TJP2: variants seen among roughly 807,000 people sequenced by gnomAD.
TJP2 encodes the protein Friedreich ataxia region gene X104 (tight junction protein ZO-2).
Under a neutral mutation model 133.1 loss-of-function variants are expected in TJP2, and 91 were observed. The ratio of observed to expected loss-of-function variants is 0.68; its 90% CI spans 0.58 to 0.81. TJP2 has a LOEUF of 0.81. Among genes scored for constraint, TJP2 ranks in the 40% least tolerant of loss-of-function variants. The pLI, the probability that TJP2 is intolerant of heterozygous loss-of-function variation, is 0.00. For missense variants in TJP2, 1,541 were observed against 1,565.6 expected, an observed-to-expected ratio of 0.98 and a Z score of 0.26; for synonymous variants, 592 against 583.4, an observed-to-expected ratio of 1.01 and a Z score of -0.21.
chr9:69,127,553 CAA>C (rs113447829), intron 1 of TJP2, among the ~76,000 whole-genome samples: 13 of 59,840 alleles, frequency 2.2e-4, no homozygotes, highest in East Asian at 4.9e-4. Context: ...GATCTTGTCT[CAA>C]AAAAAAAAAA....
intron 13 of TJP2, among the ~76,000 whole-genome samples, chr9:69,236,610 G>A (rs1830210186): frequency 6.6e-6 from 1 of 152,144 alleles, no homozygotes; most frequent in African/African-American, 2.4e-5. Context: ...GCACCCCAGT[G>A]AACACTTGGT....
chr9:69,251,393 A>G (rs747772469), intron 21 of TJP2, 29 bp downstream of exon 21: 57 of 1,600,502 alleles, frequency 3.6e-5, no homozygotes, highest in African/African-American at 5.4e-5. Flanking sequence ...CACATCATCA[A>G]TAAGAGTTTT....
At chr9:69,253,692 G>A (rs557533435) in intron 22 of TJP2, 44 of 190,496 alleles carry the variant, frequency 2.3e-4, no homozygotes, top group Non-Finnish European at 4.1e-4. Flanking sequence ...ACCTCCGCCC[G>A]CCTCGGCCTC....
chr9:69,137,667 C>CT (rs1404732959), intron 1 of TJP2, among the ~76,000 whole-genome samples: 3 of 150,812 alleles, frequency 2.0e-5, no homozygotes, highest in Admixed American at 6.6e-5. Flanking sequence ...CTCAGCTGAG[C>CT]TTTTTTTTTC....
chr9:69,226,333 C>T (rs915735593), intron 7 of TJP2, among the ~76,000 whole-genome samples, 158 bp downstream of exon 7: 3 of 152,162 alleles, frequency 2.0e-5, no homozygotes, highest in Non-Finnish European at 4.4e-5. Context: ...TTGTTATTTG[C>T]TTATTAAAGT....
At chr9:69,147,896 T>G (rs2133321779) in intron 1 of TJP2, among the ~76,000 whole-genome samples, 1 of 150,380 alleles carries the variant, frequency 6.6e-6, no homozygotes, top group East Asian at 2.0e-4. Flanking sequence ...GTTCTGTGAA[T>G]ACACAGGGAT....
At chr9:69,246,829 C>G (rs1338162834) in intron 18 of TJP2, 39 bp downstream of exon 18, 1 of 1,573,432 alleles carries the variant, frequency 6.4e-7, no homozygotes, top group African/African-American at 1.3e-5. Flanking sequence ...GTGAGAGTCC[C>G]TGTTCTGAAA....
At chr9:69,197,872 C>T (rs923807610) in intron 1 of TJP2, among the ~76,000 whole-genome samples, 2 of 152,184 alleles carry the variant, frequency 1.3e-5, no homozygotes, top group South Asian at 4.1e-4. Flanking sequence ...ACACCATTGT[C>T]TACCTCCCAC....
At chr9:69,164,009 G>C (rs1824222821) in intron 2 of TJP2, among the ~76,000 whole-genome samples, 1 of 152,132 alleles carries the variant, frequency 6.6e-6, no homozygotes, top group Non-Finnish European at 1.5e-5. Context: ...GTTTTAACAA[G>C]TGCCTCTGGT....
intron 20 of TJP2, chr9:69,249,860 T>G (rs535272482): frequency 2.1e-5 from 11 of 513,248 alleles, no homozygotes; most frequent in Middle Eastern, 1.0e-3. Context: ...CCAGTCTGAT[T>G]TAGATGCACC....
rs546337652 is a variant in TJP2, at chr9:69,127,305, G to A, written c.-131+5580G>A. Among the ~76,000 whole-genome samples the A allele has an allele frequency of 5.3e-5, 4 of 75,334 alleles. 2 individuals are homozygous for A. Among genetic ancestry groups the A allele is most frequent in the South Asian group, 7.4e-4 (2 of 2,704 alleles). 49.4% of individuals were successfully genotyped at this position (75,334 alleles called of 152,430 possible). On this transcript the variant is annotated intron_variant, in intron 1 of 5. Coordinates refer to the TJP2 transcript ENST00000423935. ...AGGATGGTCTCGATCTCCTGACCTC[G>A]TGATCCGCCTGCCTCAGCCTCCCAA...
intron 1 of TJP2, among the ~76,000 whole-genome samples, chr9:69,212,297 T>C (rs1827979340): frequency 6.6e-6 from 1 of 152,256 alleles, no homozygotes; most frequent in Non-Finnish European, 1.5e-5. Flanking sequence ...ACTCAGCACT[T>C]AACATTCCAT....
chr9:69,178,059 C>T (rs1439185545), intron 1 of TJP2, among the ~76,000 whole-genome samples: 1 of 152,034 alleles, frequency 6.6e-6, no homozygotes, highest in Non-Finnish European at 1.5e-5. Context: ...GTGTCTCTAT[C>T]ATCCAGCTGG....
chr9:69,229,368 C>T lies in TJP2; in HGVS notation c.1520+118C>T, dbSNP rs1053501315. 4.2e-6 allele frequency: 4 copies of T among 952,182 alleles called. No individual in the cohort carries two copies. In the East Asian group the frequency reaches 7.2e-5, roughly 17 times the overall value. The allele number at this position is 952,182 out of a possible 1,614,324, so 59.0% of individuals were successfully genotyped here. A position where few individuals can be genotyped will look rare whatever the true frequency, so the allele number is the denominator to read the frequency against. On this transcript the variant is annotated intron_variant, in intron 10 of 22. Transcript: ENST00000377245. The stretch of plus-strand genomic sequence containing the variant: ...GGTGATTTTGTACACTGTCAGCCAC[C>T]TGTAACCAATCCCCATTGGTAGTGC...
chr9:69,145,884 C>A, intron 1 of TJP2: 1 of 1,064,308 alleles, frequency 9.4e-7, no homozygotes, highest in Non-Finnish European at 1.2e-6. Flanking sequence ...TTTTGGGGAC[C>A]CATATAGAAA....
chr9:69,146,080 A>G (rs932822768), intron 1 of TJP2, among the ~76,000 whole-genome samples: 1 of 152,116 alleles, frequency 6.6e-6, no homozygotes, highest in Admixed American at 6.6e-5. Context: ...TAGACATTTA[A>G]TTTTCTGATT....
chr9:69,206,396 G>A (rs1212248462), intron 1 of TJP2, among the ~76,000 whole-genome samples: 2 of 151,448 alleles, frequency 1.3e-5, no homozygotes, highest in Non-Finnish European at 2.9e-5. Flanking sequence ...CCTTCAACTC[G>A]CCCTCCTTCC....
At chr9:69,235,324 T>TTTATTTATTTATTTA (rs754691667) in intron 12 of TJP2, among the ~76,000 whole-genome samples, 1 of 57,374 alleles carries the variant, frequency 1.7e-5, no homozygotes, top group Non-Finnish European at 3.7e-5. Flanking sequence ...TATTTATTTA[T>TTTATTTATTTATTTA]TTATTATTAT....
intron 5 of TJP2, among the ~76,000 whole-genome samples, chr9:69,225,098 G>A (rs1389096932): frequency 1.3e-5 from 2 of 152,074 alleles, no homozygotes; most frequent in Non-Finnish European, 2.9e-5. Flanking sequence ...TGGTTTTTAT[G>A]TAACTTTTAA....
Sources: gnomAD v4.1 joint callset for allele counts (sites outside exome capture counted in the v4.1 genomes callset) on GRCh38, gnomAD v4.1.1 for gene constraint, MANE v1.5 for transcripts, NCBI Gene and HGNC (gene_info 2026-07-23, HGNC 2026-07-21) for gene names.